The following SLC25A37 variants were observed in gnomAD, a reference collection of about 807,000 sequenced individuals.
SLC25A37 encodes mitoferrin-1.
SLC25A37 carries 17 observed loss-of-function variants against 31.0 expected under a neutral mutation model. That is an observed-to-expected ratio of 0.55 (90% confidence interval 0.38 to 0.82). The LOEUF (loss-of-function observed/expected upper bound fraction) is 0.82. Ranked by LOEUF, SLC25A37 falls within the 40% of genes least tolerant of loss-of-function variation. The pLI is 0.00. For synonymous variants in SLC25A37, 222 were observed against 193.0 expected, an observed-to-expected ratio of 1.15 and a Z score of -1.24; for missense variants, 404 against 465.8, an observed-to-expected ratio of 0.87 and a Z score of 1.22.
rs529066365 is a variant in SLC25A37 at position 23,566,845 on chromosome 8, G to A, written c.439+509G>A. ...AAGTTTTATGGCTGACAAAGGACTC[G>A]CGCAACGCAGAAGGCCTTTCCCACC... On this transcript the variant is annotated intron_variant, in intron 2 of 3. Transcript: ENST00000519973. The A allele has an allele frequency of 9.1e-6, 9 of 985,490 alleles. No individual in the cohort carries two copies. The East Asian group carries it at 3.4e-4, about 37-fold the overall frequency. The allele number at this position is 985,490 out of a possible 1,614,324, so 61.0% of individuals were successfully genotyped here.
Position 23,571,750 on chromosome 8 carries a change from G to A in SLC25A37, c.912G>A (p.Ala304=), listed in dbSNP as rs1033617205. ...CCGGCTACTTCAAAGGCATCCAGGC[G>A]CGTGTCATCTACCAGATGCCCTCCA... The part of the protein sequence containing the change: ...GLAGYFKGIQ[A]RVIYQMPSTA... Residue 304 remains alanine, a synonymous_variant, in exon 4 of 4, where the codon GCG becomes GCA. Coordinates refer to ENST00000519973, the MANE Select transcript of SLC25A37 (RefSeq NM_016612.4). 2 of 1,614,012 alleles carry A rather than the reference G, an allele frequency of 1.2e-6. No homozygotes were observed. Among genetic ancestry groups the A allele is most frequent in the Non-Finnish European group, 1.7e-6 (2 of 1,179,898 alleles).
intron 1 of SLC25A37, among the ~76,000 whole-genome samples, chr8:23,531,379 A>T (rs1281762353): frequency 6.6e-6 from 1 of 152,188 alleles, no homozygotes; most frequent in Non-Finnish European, 1.5e-5. Context: ...CCCTGCTCTC[A>T]CTTGCTTCAT....
intron 1 of SLC25A37, among the ~76,000 whole-genome samples, chr8:23,536,276 G>A (rs866669484): frequency 2.6e-5 from 4 of 152,020 alleles, no homozygotes; most frequent in Non-Finnish European, 4.4e-5. Context: ...ACAAACTGTT[G>A]CCCCTTTTTT....
At chr8:23,550,946 C>A (rs1047789062) in intron 1 of SLC25A37, among the ~76,000 whole-genome samples, 1 of 152,214 alleles carries the variant, frequency 6.6e-6, no homozygotes, top group East Asian at 1.9e-4. Context: ...GCTGTTGCCC[C>A]CAGGGCTGGT....
At chr8:23,554,779 G>A (rs1485591768) in intron 1 of SLC25A37, among the ~76,000 whole-genome samples, 1 of 152,226 alleles carries the variant, frequency 6.6e-6, no homozygotes, top group Non-Finnish European at 1.5e-5. Context: ...CTGGCAAGCA[G>A]CTGTAGCTTT....
At chr8:23,545,200 G>GA (rs1420785821) in intron 1 of SLC25A37, among the ~76,000 whole-genome samples, 2 of 152,232 alleles carry the variant, frequency 1.3e-5, no homozygotes, top group Non-Finnish European at 2.9e-5. Flanking sequence ...CCAAAGGTCA[G>GA]AGATGGACCT....
rs1434032145 is a variant in SLC25A37, at chr8:23,573,612, A to C, written c.*1757A>C. ...ACACGTGGAGAATTTCCATCTTGGG[A>C]CCATGCACACAGTGCCTTGGGGAGT... On this transcript the variant is annotated 3_prime_UTR_variant, in exon 4 of 4. Transcript: ENST00000519973. 1 of 346,680 alleles carries C rather than the reference A, an allele frequency of 2.9e-6. No individual in the cohort carries two copies. Among genetic ancestry groups the C allele is most frequent in the East Asian group, 7.7e-5 (1 of 13,022 alleles). 21.5% of individuals were successfully genotyped at this position (346,680 alleles called of 1,614,324 possible).
At chr8:23,542,008 C>T (rs1208260305) in intron 1 of SLC25A37, among the ~76,000 whole-genome samples, 1 of 152,206 alleles carries the variant, frequency 6.6e-6, no homozygotes. Context: ...TAATGTGGCT[C>T]CCAAGGAAGA....
intron 1 of SLC25A37, among the ~76,000 whole-genome samples, chr8:23,538,934 C>G (rs1585445567): frequency 6.6e-6 from 1 of 152,140 alleles, no homozygotes; most frequent in South Asian, 2.1e-4. Context: ...TTTGTTCTTT[C>G]TCCTGCGAGA....
At chr8:23,537,280 AGTT>A (rs947327187) in intron 1 of SLC25A37, among the ~76,000 whole-genome samples, 3 of 151,874 alleles carry the variant, frequency 2.0e-5, no homozygotes, top group African/African-American at 7.3e-5. Context: ...TCTCCCCAGC[AGTT>A]GTTACTTCGT....
intron 1 of SLC25A37, among the ~76,000 whole-genome samples, chr8:23,558,713 C>A (rs1802431422): frequency 6.6e-6 from 1 of 152,162 alleles, no homozygotes; most frequent in Admixed American, 6.5e-5. Context: ...TGGAGCAGAT[C>A]TGGAGCTGGA....
At chr8:23,533,900 G>T (rs1472423405) in intron 1 of SLC25A37, among the ~76,000 whole-genome samples, 3 of 152,074 alleles carry the variant, frequency 2.0e-5, no homozygotes, top group Non-Finnish European at 4.4e-5. Flanking sequence ...GTTTGTCATA[G>T]GAGGGGTATA....
In SLC25A37 at chr8:23,529,029, C is replaced by A; in HGVS notation, c.27C>A (p.Gly9=). 7.1e-6 allele frequency: 11 copies of A among 1,544,896 alleles called. No homozygotes were observed. The highest frequency in any genetic ancestry group is 9.6e-6 in the Non-Finnish European group (11 of 1,146,434). The stretch of plus-strand genomic sequence containing the variant: ...TGGAGCTGCGCAGCGGGAGCGTGGG[C>A]AGCCAGGCGGTGGCGCGGAGGATGG... MELRSGSV[G]SQAVARRMDG... The change falls in exon 1 of 4, where the codon GGC becomes GGA. Residue 9 remains glycine, a synonymous_variant. Coordinates refer to ENST00000519973, the MANE Select transcript of SLC25A37 (RefSeq NM_016612.4). This position sits in a 1 kb window ranked among gnomAD's most constrained non-coding sequence, Gnocchi z 4.1.
At chr8:23,563,064 G>A (rs1198706479) in intron 1 of SLC25A37, among the ~76,000 whole-genome samples, 1 of 152,192 alleles carries the variant, frequency 6.6e-6, no homozygotes, top group Non-Finnish European at 1.5e-5. Flanking sequence ...CAGCCACTCG[G>A]GAGCTGAATG....
At chr8:23,538,522 C>CGTGTGTGTGTGTGTGTGTGT (rs202005751) in intron 1 of SLC25A37, among the ~76,000 whole-genome samples, 1 of 108,934 alleles carries the variant, frequency 9.2e-6, no homozygotes, top group Non-Finnish European at 1.6e-5. Flanking sequence ...CGTTGTTTGT[C>CGTGTGTGTGTGTGTGTGTGT]GTGTGTGTGT....
intron 1 of SLC25A37, among the ~76,000 whole-genome samples, chr8:23,564,279 C>A (rs895736726): frequency 6.6e-6 from 1 of 152,074 alleles, no homozygotes; most frequent in East Asian, 1.9e-4. Context: ...CCTCCAAGCC[C>A]TGGGGTACCT....
intron 1 of SLC25A37, chr8:23,531,851 A>G (rs1167980101): frequency 6.6e-6 from 1 of 152,228 alleles, no homozygotes; most frequent in Non-Finnish European, 1.5e-5. Flanking sequence ...CACTTTAATA[A>G]CTAGTGTTTT....
At chr8:23,532,215 G>A (rs965777192) in intron 1 of SLC25A37, among the ~76,000 whole-genome samples, 1 of 152,172 alleles carries the variant, frequency 6.6e-6, no homozygotes, top group Admixed American at 6.5e-5. Flanking sequence ...TCCCATGGTG[G>A]GATGTGAGCA....
chr8:23,537,494 C>A (rs1223890607), intron 1 of SLC25A37, among the ~76,000 whole-genome samples: 1 of 152,218 alleles, frequency 6.6e-6, no homozygotes, highest in Non-Finnish European at 1.5e-5. Context: ...GGAGCTTCTG[C>A]AGTTCATTCT....
Sources: allele counts gnomAD v4.1 joint callset (sites outside exome capture counted in the v4.1 genomes callset), GRCh38; gene constraint gnomAD v4.1.1; non-coding constraint Gnocchi (gnomAD v3.1); transcripts MANE v1.5; gene names NCBI Gene and HGNC (gene_info 2026-07-23, HGNC 2026-07-21).